Variants in TOP1 observed in about 807,000 individuals in gnomAD.
The protein encoded by TOP1 is DNA topoisomerase I, also known as DNA topoisomerase 1.
In TOP1, 10 loss-of-function variants were observed where a neutral mutation model predicts 111.1. The ratio of observed to expected loss-of-function variants is 0.09; its 90% CI spans 0.06 to 0.15. The LOEUF (loss-of-function observed/expected upper bound fraction) is 0.15, where lower values mean the gene tolerates loss of function less well. Among genes scored for constraint, TOP1 ranks in the 10% least tolerant of loss-of-function variants. TOP1 has a pLI of 1.00. For synonymous variants in TOP1, 271 were observed against 302.9 expected (o/e 0.89, Z 1.10); for missense variants, 474 against 926.7 (o/e 0.51, Z 6.34).
intron 13 of TOP1, among the ~76,000 whole-genome samples, chr20:41,108,205 CCTATT>C (rs1283024486): frequency 1.3e-5 from 2 of 152,184 alleles, no homozygotes; most frequent in Non-Finnish European, 1.5e-5. Flanking sequence ...AGAGATGTCT[CCTATT>C]CTAAGAGTCG....
Position 41,112,696 on chromosome 20 carries a change from T to A in TOP1, c.1309-86T>A. ...CTATTAGCTAGCTGGGATTATAGGC[T>A]TGCGCCACCTTGCCTGGCTATATTC... On this transcript the variant is annotated intron_variant, in intron 13 of 20. Coordinates refer to ENST00000361337, the MANE Select transcript of TOP1 (RefSeq NM_003286.4). The surrounding 1 kb of genome is among the most constrained non-coding windows in gnomAD (Gnocchi z 5.8). The A allele has an allele frequency of 4.1e-6, 6 of 1,454,594 alleles. No individual in the cohort carries two copies. Among genetic ancestry groups the A allele is most frequent in the Non-Finnish European group, 1.9e-6 (2 of 1,062,014 alleles). The allele number at this position is 1,454,594 out of a possible 1,614,324, so 90.1% of individuals were successfully genotyped here. A position where few individuals can be genotyped will look rare whatever the true frequency, so the allele number is the denominator to read the frequency against.
chr20:41,064,128 T>C (rs947560281), intron 3 of TOP1, among the ~76,000 whole-genome samples: 2 of 152,218 alleles, frequency 1.3e-5, no homozygotes, highest in East Asian at 1.9e-4. Context: ...TTTCTGCGTA[T>C]GGCTAGCCAG....
intron 13 of TOP1, among the ~76,000 whole-genome samples, chr20:41,111,210 C>T (rs2034234029): frequency 6.6e-6 from 1 of 152,102 alleles, no homozygotes; most frequent in Admixed American, 6.5e-5. Context: ...GAAGGTGAGC[C>T]TTTTGTGTCC....
In TOP1 at chr20:41,124,144, CCTAAT is replaced by C. The variant is rs572766795; in HGVS notation, c.*850_*854del. The C allele has an allele frequency of 2.7e-4, 64 of 232,832 alleles. 2 individuals are homozygous for C. In the South Asian group the frequency reaches 0.011, roughly 42 times the overall value. 14.4% of individuals were successfully genotyped at this position (232,832 alleles called of 1,614,324 possible). ...AGATATCCATCTTTTTCTTTTTAAC[CCTAAT>C]CTTTCACTTGAAAGATTTTATTGTA... is the stretch of plus-strand genomic sequence containing the variant. On this transcript the variant is annotated 3_prime_UTR_variant, in exon 21 of 21. Transcript: ENST00000361337. The surrounding 1 kb of genome is among the most constrained non-coding windows in gnomAD (Gnocchi z 5.4).
At chr20:41,036,963 T>TG (rs1042287818) in intron 2 of TOP1, among the ~76,000 whole-genome samples, 8 of 151,924 alleles carry the variant, frequency 5.3e-5, no homozygotes, top group Admixed American at 5.3e-4. Context: ...CCTAAGTTGC[T>TG]GGGACTACAG....
At position 41,060,859 on chromosome 20, in the gene TOP1, G is replaced by A. The variant is rs567345688; in HGVS notation, c.59-535G>A. Among the ~76,000 whole-genome samples the A allele has an allele frequency of 4.6e-5, 7 of 152,046 alleles. No homozygotes were observed. In the South Asian group the frequency reaches 1.5e-3, roughly 32 times the overall value. On this transcript the variant is annotated intron_variant, in intron 2 of 20. Transcript: ENST00000361337. ...TTGTGGGGGGATTTGTATTTTTTTGGTTGTATTGTTATTACTATTTTTATT... is the reference window on the plus strand; with the variant it reads ...TTGTGGGGGGATTTGTATTTTTTTGATTGTATTGTTATTACTATTTTTATT...
At chr20:41,049,108 C>T (rs1277840602) in intron 2 of TOP1, among the ~76,000 whole-genome samples, 2 of 152,164 alleles carry the variant, frequency 1.3e-5, no homozygotes, top group African/African-American at 4.8e-5. Context: ...CAGTTTGAGG[C>T]GTAAAGTAGA....
At chr20:41,037,019 A>T (rs1214770521) in intron 2 of TOP1, among the ~76,000 whole-genome samples, 2 of 151,960 alleles carry the variant, frequency 1.3e-5, no homozygotes, top group Non-Finnish European at 2.9e-5. Context: ...TTTAGTAGAT[A>T]CAGGGTTTCA....
intron 8 of TOP1, among the ~76,000 whole-genome samples, chr20:41,086,578 G>C (rs1004209648): frequency 2.6e-5 from 4 of 152,222 alleles, no homozygotes; most frequent in African/African-American, 9.6e-5. Flanking sequence ...AGGCAAGTGC[G>C]CTGGGTCCAG....
intron 3 of TOP1, among the ~76,000 whole-genome samples, chr20:41,066,988 CAT>C (rs1341013471): frequency 6.6e-6 from 1 of 152,184 alleles, no homozygotes; most frequent in Admixed American, 6.5e-5. Flanking sequence ...TTCTTATTCA[CAT>C]GAGTAAATTT....
At position 41,084,468 on chromosome 20, in the gene TOP1, A is replaced by G. The variant is rs1263778500; in HGVS notation, c.514A>G (p.Lys172Glu). 1 of 1,549,490 alleles carries G rather than the reference A, an allele frequency of 6.5e-7. No homozygotes were observed. The highest frequency in any genetic ancestry group is 1.2e-5 in the South Asian group (1 of 83,214). ...TCACCATGTTTCTTTGTAGGATGGTAAATTGAAAAAACCCAAGAATAAAGA... is the reference window on the plus strand; with the variant it reads ...TCACCATGTTTCTTTGTAGGATGGTGAATTGAAAAAACCCAAGAATAAAGA... ...KRKLEEEEDGKLKKPKNKDKD... is the reference protein window; with the variant it reads ...KRKLEEEEDGELKKPKNKDKD... The change falls in exon 8 of 21, where the codon AAA (lysine) becomes GAA (glutamate). Residue 172 changes from lysine (K) to glutamate (E), a missense_variant. Around this residue, in one of 14 missense-constraint regions of TOP1, gnomAD observed 185 missense variants for 226.3 expected, o/e 0.82. Transcript: ENST00000361337.
chr20:41,100,364 A>G lies in TOP1; in HGVS notation c.1163+121A>G, dbSNP rs2034043150. 4 of 756,412 alleles carry G rather than the reference A, an allele frequency of 5.3e-6. No individual in the cohort carries two copies. Among genetic ancestry groups the G allele is most frequent in the Middle Eastern group, 3.4e-4 (1 of 2,952 alleles). The allele number at this position is 756,412 out of a possible 1,614,324, so 46.9% of individuals were successfully genotyped here. ...GAAGGGAGATACTTAAGAGCAGGAC[A>G]GTATTTCATGCGTAGGTCTCCAGAT... On this transcript the variant is annotated intron_variant, in intron 12 of 20. Coordinates refer to ENST00000361337, the MANE Select transcript of TOP1 (RefSeq NM_003286.4). This position sits in a 1 kb window ranked among gnomAD's most constrained non-coding sequence, Gnocchi z 4.4.
At chr20:41,081,351 A>T (rs2056364713) in intron 7 of TOP1, 111 bp downstream of exon 7, 1 of 1,287,878 alleles carries the variant, frequency 7.8e-7, no homozygotes, top group Non-Finnish European at 1.0e-6. Flanking sequence ...TTGTTATAAC[A>T]TTAGGGAAAA....
chr20:41,087,074 T>G (rs992071364), intron 8 of TOP1, among the ~76,000 whole-genome samples: 2 of 152,248 alleles, frequency 1.3e-5, no homozygotes, highest in Admixed American at 1.3e-4. Context: ...TTGACAAATT[T>G]GCAGATCTTT....
chr20:41,061,334 G>A lies in TOP1; in HGVS notation c.59-60G>A. The A allele has an allele frequency of 6.6e-7, 1 of 1,509,446 alleles. No individual in the cohort carries two copies. Among genetic ancestry groups the A allele is most frequent in the Non-Finnish European group, 9.2e-7 (1 of 1,092,682 alleles). The allele number at this position is 1,509,446 out of a possible 1,614,324, so 93.5% of individuals were successfully genotyped here. A position where few individuals can be genotyped will look rare whatever the true frequency, so the allele number is the denominator to read the frequency against. On this transcript the variant is annotated intron_variant, in intron 2 of 20. Coordinates refer to ENST00000361337, the MANE Select transcript of TOP1 (RefSeq NM_003286.4). The surrounding 1 kb of genome is among the most constrained non-coding windows in gnomAD (Gnocchi z 4.6). ...TGTACTTCTTGACCAGCTTGTCAAG[G>A]TAGGCATACAGAAGATAGCTCATGA...
chr20:41,104,415 A>C (rs2034113001), intron 13 of TOP1, among the ~76,000 whole-genome samples: 1 of 152,230 alleles, frequency 6.6e-6, no homozygotes, highest in South Asian at 2.1e-4. Context: ...GGATGGAGAG[A>C]GGTGACAGAT....
At position 41,112,823 on chromosome 20, in the gene TOP1, G is replaced by A. The variant is rs1185115495; in HGVS notation, c.1350G>A (p.Leu450=). The A allele has an allele frequency of 4.3e-6, 7 of 1,614,198 alleles. No individual in the cohort carries two copies. The highest frequency in any genetic ancestry group is 1.6e-4 in the Middle Eastern group (1 of 6,062). The change falls in exon 14 of 21, where the codon CTG becomes CTA. Residue 450 remains leucine (L), a synonymous_variant. Transcript: ENST00000361337. This position sits in a 1 kb window ranked among gnomAD's most constrained non-coding sequence, Gnocchi z 5.8. ...AGAAATACGAGACTGCTCGGCGGCTGAAAAAATGTGTGGACAAGATCCGGA... is the reference window on the plus strand; with the variant it reads ...AGAAATACGAGACTGCTCGGCGGCTAAAAAAATGTGTGGACAAGATCCGGA... ...DWQKYETARR[L]KKCVDKIRNQ...
In TOP1 at chr20:41,095,110, G is replaced by A. The variant is rs1014240245; in HGVS notation, c.731-2110G>A. 4.6e-5 allele frequency among the ~76,000 whole-genome samples: 7 copies of A among 152,076 alleles called. No homozygotes were observed. The highest frequency in any genetic ancestry group is 1.7e-4 in the African/African-American group (7 of 41,372). On this transcript the variant is annotated intron_variant, in intron 9 of 20. Coordinates refer to ENST00000361337, the MANE Select transcript of TOP1 (RefSeq NM_003286.4). The surrounding 1 kb of genome is among the most constrained non-coding windows in gnomAD (Gnocchi z 4.6). ...TCTGTCACCCAGGCTGGAGTGCAGTGGCACAATCTTGGCTCACTGCAGCCT... is the reference window on the plus strand; with the variant it reads ...TCTGTCACCCAGGCTGGAGTGCAGTAGCACAATCTTGGCTCACTGCAGCCT...
At position 41,069,962 on chromosome 20, in the gene TOP1, G is replaced by C. The variant is rs1349369133; in HGVS notation, c.156-6209G>C. On this transcript the variant is annotated intron_variant, in intron 3 of 20. Coordinates refer to ENST00000361337, the MANE Select transcript of TOP1 (RefSeq NM_003286.4). The surrounding 1 kb of genome is among the most constrained non-coding windows in gnomAD (Gnocchi z 4.1). Reference sequence around the variant, plus strand: ...TGTTCTGGGAGGAATCTAGTTAGGTGGGTTACACAGGGTGGAATAGTAGAA... The same window carrying C: ...TGTTCTGGGAGGAATCTAGTTAGGTCGGTTACACAGGGTGGAATAGTAGAA... 2.6e-5 allele frequency among the ~76,000 whole-genome samples: 4 copies of C among 152,100 alleles called. No homozygotes were observed.
Sources: gnomAD v4.1 joint callset for allele counts (sites outside exome capture counted in the v4.1 genomes callset) on GRCh38, gnomAD v4.1.1 for gene constraint, gnomAD v4.1.1 regional missense constraint, Gnocchi (gnomAD v3.1) non-coding constraint, MANE v1.5 for transcripts, NCBI Gene and HGNC (gene_info 2026-07-23, HGNC 2026-07-21) for gene names.